Variants in ERICH6B observed in about 807,000 individuals in gnomAD.
The protein encoded by ERICH6B is glutamate-rich protein 6B.
A neutral mutation model predicts 80.0 loss-of-function variants in ERICH6B; 69 were observed. That is an observed-to-expected ratio of 0.86 (90% CI 0.71 to 1.05). ERICH6B has a LOEUF of 1.05. ERICH6B is among the 50% of genes least tolerant of loss of function. ERICH6B has a pLI of 0.00. For synonymous variants in ERICH6B, 283 were observed against 291.9 expected (o/e 0.97, Z 0.31); for missense variants, 754 against 796.1 (o/e 0.95, Z 0.64).
Position 45,587,151 on chromosome 13 carries a change from T to C in ERICH6B, c.768A>G (p.Glu256=). The change falls in exon 5 of 15, where the codon GAA becomes GAG. Residue 256 remains glutamate (E), a synonymous_variant. Transcript: ENST00000298738. The stretch of plus-strand genomic sequence containing the variant: ...GCAACTCAGAAGACTCTGTGGCAGA[T>C]TCAGAGACAGGAGAAGGGGTAGCGA... ...LTFATPSPVS[E]SATESSELLL... 6.4e-7 allele frequency: 1 copy of C among 1,551,586 alleles called. No homozygotes were observed. Among genetic ancestry groups the C allele is most frequent in the Middle Eastern group, 1.7e-4 (1 of 5,992 alleles).
intron 2 of ERICH6B, among the ~76,000 whole-genome samples, chr13:45,597,762 T>A (rs1876463444): frequency 6.6e-6 from 1 of 152,232 alleles, no homozygotes; most frequent in South Asian, 2.1e-4. Flanking sequence ...TTTTGCTATA[T>A]TAAATTGTTT....
At chr13:45,575,058 C>G (rs1471376398) in intron 7 of ERICH6B, 128 bp from the exon 8 acceptor site, 1 of 628,472 alleles carries the variant, frequency 1.6e-6, no homozygotes, top group African/African-American at 1.9e-5. Context: ...ATGCATACAT[C>G]ATCAATGAGA....
chr13:45,553,859 T>C (rs1238689265), intron 11 of ERICH6B, among the ~76,000 whole-genome samples: 1 of 152,162 alleles, frequency 6.6e-6, no homozygotes, highest in African/African-American at 2.4e-5. Flanking sequence ...TTAAAAATTG[T>C]ATATATTTAT....
chr13:45,592,743 C>T lies in ERICH6B; in HGVS notation c.638-2046G>A, dbSNP rs552110908. 3.9e-5 allele frequency among the ~76,000 whole-genome samples: 6 copies of T among 152,282 alleles called. No homozygotes were observed. The East Asian group carries it at 1.2e-3, about 29-fold the overall frequency. On this transcript the variant is annotated intron_variant, in intron 3 of 14. Transcript: ENST00000298738. ...CTCATTATGGGGTGGTTTCACTCTA[C>T]AGCATGTTCTGTGGCAGCAGGAGAG...
At chr13:45,552,450 T>A (rs914317410) in intron 11 of ERICH6B, among the ~76,000 whole-genome samples, 5 of 151,874 alleles carry the variant, frequency 3.3e-5, no homozygotes, top group African/African-American at 1.2e-4. Flanking sequence ...TCTTACATTC[T>A]CTGTTCTGCA....
chr13:45,587,315 G>C, intron 4 of ERICH6B, 83 bp from the exon 5 acceptor site: 3 of 1,295,776 alleles, frequency 2.3e-6, no homozygotes, highest in Non-Finnish European at 3.2e-6. Context: ...AGGGGTTGAG[G>C]GGGTGCTCTT....
chr13:45,561,904 A>G (rs898136646), intron 10 of ERICH6B, among the ~76,000 whole-genome samples: 7 of 152,216 alleles, frequency 4.6e-5, no homozygotes, highest in African/African-American at 1.7e-4. Context: ...TCACACAGTG[A>G]ATGGTGTGGC....
intron 6 of ERICH6B, 27 bp downstream of exon 6, chr13:45,580,576 A>G: frequency 1.3e-6 from 2 of 1,550,216 alleles, no homozygotes; most frequent in Non-Finnish European, 1.7e-6. Flanking sequence ...ACTTCTACAG[A>G]TCATTTAAAA....
At chr13:45,550,141 C>T in intron 12 of ERICH6B, 90 bp downstream of exon 12, 22 of 1,531,988 alleles carry the variant, frequency 1.4e-5, no homozygotes, top group Middle Eastern at 3.4e-4. Flanking sequence ...AACCCCACAC[C>T]TCAGTCAAAC....
intron 5 of ERICH6B, among the ~76,000 whole-genome samples, chr13:45,586,853 G>T (rs1875926758): frequency 6.6e-6 from 1 of 152,186 alleles, no homozygotes; most frequent in Admixed American, 6.5e-5. Flanking sequence ...TCTCTGAGGG[G>T]GGTCTGGGAT....
chr13:45,553,772 T>C (rs1874320455), intron 11 of ERICH6B, among the ~76,000 whole-genome samples: 1 of 152,170 alleles, frequency 6.6e-6, no homozygotes, highest in Admixed American at 6.5e-5. Context: ...ACCTGCGACA[T>C]TTAGTATACA....
At chr13:45,583,158 T>G (rs1875745627) in intron 5 of ERICH6B, among the ~76,000 whole-genome samples, 1 of 152,244 alleles carries the variant, frequency 6.6e-6, no homozygotes, top group Admixed American at 6.5e-5. Context: ...TCTTTTCAGT[T>G]TGAGGATAAT....
rs764874398 is a variant in ERICH6B, at chr13:45,541,559, G to T, written c.1994C>A (p.Ala665Glu). Residue 665 changes from alanine (A) to glutamate (E), a missense_variant, in exon 15 of 15, where the codon GCG (alanine) becomes GAG (glutamate). By Grantham distance (107) the Ala-to-Glu change is moderately radical. Coordinates refer to ENST00000298738, the MANE Select transcript of ERICH6B (RefSeq NM_182542.3). ...GAAGTTTTCCAGATCAGGGGTGGTC[G>T]CGTAATTCAGGAGCCTATTCATTTT... is the stretch of plus-strand genomic sequence containing the variant. Reference protein sequence around the residue: ...LGKMNRLLNYATTPDLENFIE... With the variant: ...LGKMNRLLNYETTPDLENFIE... 1 of 1,551,956 alleles carries T rather than the reference G, an allele frequency of 6.4e-7. No homozygotes were observed. The highest frequency in any genetic ancestry group is 1.2e-5 in the South Asian group (1 of 84,058).
intron 2 of ERICH6B, among the ~76,000 whole-genome samples, chr13:45,605,638 T>G (rs1001671420): frequency 2.0e-5 from 3 of 152,252 alleles, no homozygotes; most frequent in Admixed American, 1.3e-4. Flanking sequence ...AAATGTCATG[T>G]GTGTTTTGGA....
chr13:45,564,711 T>C (rs1407299004), intron 9 of ERICH6B, among the ~76,000 whole-genome samples: 1 of 152,232 alleles, frequency 6.6e-6, no homozygotes, highest in Non-Finnish European at 1.5e-5. Flanking sequence ...GGACTTTTAA[T>C]GGAATTGAAG....
intron 11 of ERICH6B, among the ~76,000 whole-genome samples, chr13:45,560,937 G>T (rs1183116212): frequency 6.6e-6 from 1 of 151,986 alleles, no homozygotes; most frequent in African/African-American, 2.4e-5. Context: ...TTAGAGGCGG[G>T]GTCTTGCTAT....
chr13:45,604,270 A>T (rs1315323068), intron 2 of ERICH6B, among the ~76,000 whole-genome samples: 1 of 152,254 alleles, frequency 6.6e-6, no homozygotes, highest in African/African-American at 2.4e-5. Flanking sequence ...GGCTCATCCA[A>T]ATAATTTTTC....
chr13:45,574,807 C>T lies in ERICH6B; in HGVS notation c.1050+35G>A, dbSNP rs1566294890. The T allele has an allele frequency of 1.0e-5, 15 of 1,472,374 alleles. No individual in the cohort carries two copies. In the Admixed American group the frequency reaches 1.2e-4, roughly 12 times the overall value. 91.2% of individuals were successfully genotyped at this position (1,472,374 alleles called of 1,614,324 possible). On this transcript the variant is annotated intron_variant, in intron 8 of 14. Transcript: ENST00000298738. ...TGGGCCACCCTACATTTGGAGGAAG[C>T]TGGGGGGGGGGTCTCAAGTTTTTAT...
intron 9 of ERICH6B, 70 bp from the exon 10 acceptor site, chr13:45,563,858 C>A (rs1186814600): frequency 7.7e-7 from 1 of 1,294,900 alleles, no homozygotes; most frequent in Non-Finnish European, 1.1e-6. Flanking sequence ...ACACACAGTG[C>A]AGACAGTACT....
Sources: allele counts gnomAD v4.1 joint callset (sites outside exome capture counted in the v4.1 genomes callset), GRCh38; gene constraint gnomAD v4.1.1; transcripts MANE v1.5; gene names NCBI Gene and HGNC (gene_info 2026-07-23, HGNC 2026-07-21).